The following NAA20 variants were observed in gnomAD, a reference collection of about 807,000 sequenced individuals.
The protein encoded by NAA20 is N-alpha-acetyltransferase 20, NatB catalytic subunit.
A neutral mutation model predicts 23.8 loss-of-function variants in NAA20; 24 were observed. The ratio of observed to expected loss-of-function variants is 1.01; its 90% confidence interval spans 0.73 to 1.42. The LOEUF is 1.42. Among genes scored for constraint, NAA20 ranks in the 40% most tolerant of loss-of-function variants. The pLI, the probability that NAA20 is intolerant of heterozygous loss-of-function variation, is 0.00. For synonymous variants in NAA20, 83 were observed against 77.7 expected (o/e 1.07, Z -0.36); for missense variants, 166 against 223.1 (o/e 0.74, Z 1.63).
intron 5 of NAA20, 64 bp downstream of exon 5, chr20:20,032,717 G>A: frequency 1.3e-6 from 2 of 1,483,950 alleles, no homozygotes; most frequent in Non-Finnish European, 9.0e-7. Flanking sequence ...TCTACAGATT[G>A]TAGTATTTGA....
intron 2 of NAA20, among the ~76,000 whole-genome samples, chr20:20,023,178 T>G (rs533246769): frequency 6.6e-6 from 1 of 152,074 alleles, no homozygotes; most frequent in South Asian, 2.1e-4. Context: ...TCCCAGCTAC[T>G]TAGGAGGCTG....
chr20:20,026,394 A>G (rs1174885984), intron 3 of NAA20, among the ~76,000 whole-genome samples: 3 of 152,122 alleles, frequency 2.0e-5, no homozygotes, highest in Non-Finnish European at 2.9e-5. Context: ...TAGCATCCTC[A>G]TTGAATTAGC....
rs1464397605 is a variant in NAA20 at position 20,018,032 on chromosome 20, C to G, written c.53+583C>G. 6.2e-6 allele frequency: 10 copies of G among 1,614,092 alleles called. No homozygotes were observed. In the African/African-American group the frequency reaches 8.0e-5, roughly 13 times the overall value. ...CTGCGTCCCCTGCAGCAGATGCTGT[C>G]TCAGTCATGGTTAGTGTTTGCAAGT... On this transcript the variant is annotated intron_variant, in intron 1 of 5. Transcript: ENST00000334982.
intron 4 of NAA20, among the ~76,000 whole-genome samples, chr20:20,029,990 T>G (rs2043332136): frequency 6.6e-6 from 1 of 152,200 alleles, no homozygotes; most frequent in Non-Finnish European, 1.5e-5. Flanking sequence ...CCTAAAGAAT[T>G]TCAATCAGTA....
At chr20:20,022,414 G>T in intron 1 of NAA20, 42 bp from the exon 2 acceptor site, 1 of 1,564,992 alleles carries the variant, frequency 6.4e-7, no homozygotes. Flanking sequence ...ACTGGTTATT[G>T]TAAACGCTGC....
intron 1 of NAA20, among the ~76,000 whole-genome samples, chr20:20,019,339 G>A (rs562838437): frequency 2.0e-5 from 3 of 152,308 alleles, no homozygotes; most frequent in African/African-American, 7.2e-5. Flanking sequence ...GCCCAGAGAC[G>A]ATGACTTGAC....
intron 5 of NAA20, 104 bp from the exon 6 acceptor site, chr20:20,032,998 A>AGT: frequency 1.1e-6 from 1 of 895,498 alleles, no homozygotes; most frequent in Non-Finnish European, 1.8e-6. Flanking sequence ...AATATGGTGA[A>AGT]GTGGGGGTAG....
intron 4 of NAA20, among the ~76,000 whole-genome samples, chr20:20,028,019 T>G (rs1344145283): frequency 6.6e-6 from 1 of 152,184 alleles, no homozygotes; most frequent in Admixed American, 6.5e-5. Flanking sequence ...AAGGCAAGTT[T>G]TAAAGAAGTA....
intron 5 of NAA20, 131 bp downstream of exon 5, chr20:20,032,784 C>T (rs1177209489): frequency 1.7e-6 from 2 of 1,159,654 alleles, no homozygotes; most frequent in Non-Finnish European, 2.3e-6. Context: ...CTCAACCTAC[C>T]TTTATCAACC....
chr20:20,025,089 T>C (rs1233732121), intron 2 of NAA20, among the ~76,000 whole-genome samples: 1 of 152,214 alleles, frequency 6.6e-6, no homozygotes, highest in Non-Finnish European at 1.5e-5. Context: ...GTTGATTCCT[T>C]AAGTCAGCTT....
chr20:20,021,843 G>C (rs2043270536), intron 1 of NAA20, among the ~76,000 whole-genome samples: 1 of 152,220 alleles, frequency 6.6e-6, no homozygotes, highest in African/African-American at 2.4e-5. Context: ...TCAGAATGCA[G>C]ATTTGGGAAT....
chr20:20,023,952 G>T (rs2043289472), intron 2 of NAA20, among the ~76,000 whole-genome samples: 2 of 152,224 alleles, frequency 1.3e-5, no homozygotes, highest in African/African-American at 4.8e-5. Context: ...GAGGCAGTTT[G>T]TCAGTGGTTG....
chr20:20,024,284 T>G (rs954522129), intron 2 of NAA20, among the ~76,000 whole-genome samples: 3 of 152,192 alleles, frequency 2.0e-5, no homozygotes, highest in Admixed American at 1.3e-4. Flanking sequence ...TTTCAAACAT[T>G]TTTTTGAGAA....
At chr20:20,018,218 T>C (rs2043244816) in intron 1 of NAA20, 1 of 733,660 alleles carries the variant, frequency 1.4e-6, no homozygotes, top group Admixed American at 2.8e-5. Context: ...TTTTTTTTTT[T>C]TAAGAAAACA....
At chr20:20,023,136 G>A (rs2043282475) in intron 2 of NAA20, among the ~76,000 whole-genome samples, 1 of 152,022 alleles carries the variant, frequency 6.6e-6, no homozygotes, top group Admixed American at 6.5e-5. Context: ...AAAAATACAA[G>A]AACTAGCCAG....
At chr20:20,020,551 G>T (rs1045817242) in intron 1 of NAA20, among the ~76,000 whole-genome samples, 1 of 152,216 alleles carries the variant, frequency 6.6e-6, no homozygotes, top group Non-Finnish European at 1.5e-5. Flanking sequence ...GCCATCATAA[G>T]ACCTGAACTT....
intron 1 of NAA20, among the ~76,000 whole-genome samples, chr20:20,019,968 G>A (rs2043256717): frequency 6.6e-6 from 1 of 152,196 alleles, no homozygotes; most frequent in African/African-American, 2.4e-5. Flanking sequence ...AGATGATGCA[G>A]TTGGAATTGA....
intron 3 of NAA20, 144 bp downstream of exon 3, chr20:20,025,911 CTG>C: frequency 1.5e-6 from 1 of 673,982 alleles, no homozygotes. Flanking sequence ...TTACTGATCT[CTG>C]TTTTGGGCAC....
At chr20:20,029,983 A>G (rs1366136834) in intron 4 of NAA20, among the ~76,000 whole-genome samples, 1 of 152,224 alleles carries the variant, frequency 6.6e-6, no homozygotes, top group African/African-American at 2.4e-5. Flanking sequence ...CCCCTGCCCT[A>G]AAGAATTTCA....
Sources: allele counts gnomAD v4.1 joint callset (sites outside exome capture counted in the v4.1 genomes callset), GRCh38; gene constraint gnomAD v4.1.1; transcripts MANE v1.5; gene names NCBI Gene and HGNC (gene_info 2026-07-23, HGNC 2026-07-21).